Variants in PTGER3 observed in about 807,000 individuals in gnomAD.
PTGER3 encodes prostaglandin E2 receptor EP3 subtype.
Under a neutral mutation model 34.7 loss-of-function variants are expected in PTGER3, and 22 were observed. The ratio of observed to expected loss-of-function variants is 0.63; its 90% CI spans 0.45 to 0.91. PTGER3 has a LOEUF of 0.91. Ranked by LOEUF, PTGER3 falls within the 40% of genes least tolerant of loss-of-function variation. PTGER3 has a pLI of 0.00. For missense variants in PTGER3, 468 were observed against 519.4 expected, an observed-to-expected ratio of 0.90 and a Z score of 0.96; for synonymous variants, 241 against 230.1, an observed-to-expected ratio of 1.05 and a Z score of -0.43.
intron 4 of PTGER3, among the ~76,000 whole-genome samples, chr1:70,877,668 T>C (rs1252579439): frequency 6.6e-6 from 1 of 152,198 alleles, no homozygotes; most frequent in Non-Finnish European, 1.5e-5. Context: ...GAAGGGATGC[T>C]GACTTTTATT....
intron 2 of PTGER3, chr1:71,009,239 C>T: frequency 1.0e-6 from 1 of 985,214 alleles, no homozygotes. Flanking sequence ...TGCCAATGTG[C>T]TCACAGGATC....
At chr1:71,040,906 G>A (rs1472892848) in intron 1 of PTGER3, among the ~76,000 whole-genome samples, 1 of 152,170 alleles carries the variant, frequency 6.6e-6, no homozygotes, top group African/African-American at 2.4e-5. Context: ...ATCCAAGAGA[G>A]GTGGGTGCTT....
intron 2 of PTGER3, among the ~76,000 whole-genome samples, chr1:70,953,976 TG>T (rs1651043900): frequency 6.6e-6 from 1 of 152,046 alleles, no homozygotes; most frequent in Non-Finnish European, 1.5e-5. Context: ...ACTACAGAAA[TG>T]GGGAACACTG....
intron 2 of PTGER3, among the ~76,000 whole-genome samples, chr1:71,003,288 G>A (rs189035162): frequency 6.6e-6 from 1 of 152,292 alleles, no homozygotes; most frequent in African/African-American, 2.4e-5. Flanking sequence ...CAAATTTAGT[G>A]CCTATAGAAG....
At chr1:70,997,465 G>A (rs1378951893) in intron 2 of PTGER3, among the ~76,000 whole-genome samples, 2 of 152,074 alleles carry the variant, frequency 1.3e-5, no homozygotes, top group Non-Finnish European at 2.9e-5. Flanking sequence ...TAGATAATAA[G>A]CAGAGTTTGA....
At chr1:70,852,639 G>A in exon 5 of PTGER3, 2 of 663,328 alleles carry the variant, frequency 3.0e-6, no homozygotes, top group Non-Finnish European at 5.4e-6. Context: ...ATTGATGTAT[G>A]TAGATATAGT....
At chr1:71,034,652 C>T (rs1659674483) in intron 1 of PTGER3, among the ~76,000 whole-genome samples, 1 of 152,168 alleles carries the variant, frequency 6.6e-6, no homozygotes, top group South Asian at 2.1e-4. Flanking sequence ...CTAGTATTAG[C>T]ACCGAAGGGT....
At chr1:70,963,049 ATG>A (rs1557690693) in intron 2 of PTGER3, among the ~76,000 whole-genome samples, 9 of 151,962 alleles carry the variant, frequency 5.9e-5, no homozygotes, top group Non-Finnish European at 1.0e-4. Flanking sequence ...AATGAAGGGG[ATG>A]CAGGCCCCAC....
chr1:70,905,317 G>C (rs1311618096), intron 4 of PTGER3, among the ~76,000 whole-genome samples: 1 of 152,066 alleles, frequency 6.6e-6, no homozygotes, highest in Non-Finnish European at 1.5e-5. Context: ...CTGGGACACT[G>C]CCTAGTGGAG....
chr1:70,928,017 C>G (rs373355438), intron 4 of PTGER3, among the ~76,000 whole-genome samples: 1 of 151,568 alleles, frequency 6.6e-6, no homozygotes, highest in Non-Finnish European at 1.5e-5. Context: ...TACTGAGCAA[C>G]GTTTATCTAC....
intron 4 of PTGER3, among the ~76,000 whole-genome samples, chr1:70,864,986 C>T (rs1292651720): frequency 6.6e-6 from 1 of 152,034 alleles, no homozygotes; most frequent in East Asian, 1.9e-4. Context: ...AGAAAGTGGC[C>T]ATCTATCCAG....
intron 4 of PTGER3, among the ~76,000 whole-genome samples, chr1:70,919,424 G>C (rs1019865719): frequency 6.6e-6 from 1 of 152,106 alleles, no homozygotes; most frequent in Non-Finnish European, 1.5e-5. Context: ...GAGGAGCTGA[G>C]AAATCTGGGA....
intron 3 of PTGER3, chr1:70,953,622 G>A (rs1650999018): frequency 8.1e-7 from 1 of 1,237,636 alleles, no homozygotes; most frequent in Non-Finnish European, 1.1e-6. Context: ...TTTGTGACTG[G>A]GATAGGTTCC....
intron 4 of PTGER3, among the ~76,000 whole-genome samples, chr1:70,874,537 A>G (rs1646233133): frequency 6.6e-6 from 1 of 151,984 alleles, no homozygotes; most frequent in Non-Finnish European, 1.5e-5. Context: ...TGTTCTAAAT[A>G]TTACTTCTTT....
At position 70,880,687 on chromosome 1, in the gene PTGER3, CA is replaced by C. The variant is rs745606907; in HGVS notation, c.*24-27829del. ...CCTGAGTGAAAGAGCAAGACTCTGT[CA>C]AAAAAAAAAGAAAAAAAAAAAAAAG... On this transcript the variant is annotated intron_variant, in intron 4 of 4. Transcript: ENST00000370931. Among the ~76,000 whole-genome samples, 84 of 102,990 alleles carry C rather than the reference CA, an allele frequency of 8.2e-4. No individual in the cohort carries two copies. The South Asian group carries it at 0.019, about 24-fold the overall frequency. The allele number at this position is 102,990 out of a possible 152,430, so 67.6% of individuals were successfully genotyped here.
At chr1:70,954,332 A>G (rs1651091492) in intron 2 of PTGER3, among the ~76,000 whole-genome samples, 1 of 152,154 alleles carries the variant, frequency 6.6e-6, no homozygotes, top group Non-Finnish European at 1.5e-5. Context: ...TCTTTATAAA[A>G]GACTTTTATG....
chr1:70,931,048 G>T (rs951496657), intron 4 of PTGER3, among the ~76,000 whole-genome samples: 1 of 152,158 alleles, frequency 6.6e-6, no homozygotes, highest in Non-Finnish European at 1.5e-5. Flanking sequence ...AGATACAATG[G>T]GGATATAGGT....
At chr1:71,011,027 C>G in intron 2 of PTGER3, 1 of 985,540 alleles carries the variant, frequency 1.0e-6, no homozygotes, top group African/African-American at 1.7e-5. Flanking sequence ...ATGAATGCAC[C>G]AAAGAATATG....
At chr1:70,925,870 T>C (rs996987117) in intron 4 of PTGER3, among the ~76,000 whole-genome samples, 17 of 152,106 alleles carry the variant, frequency 1.1e-4, no homozygotes, top group Non-Finnish European at 2.2e-4. Context: ...TATTGAACTT[T>C]ATAAAATATA....
Sources: gnomAD v4.1 joint callset for allele counts (sites outside exome capture counted in the v4.1 genomes callset) on GRCh38, gnomAD v4.1.1 for gene constraint, MANE v1.5 for transcripts, NCBI Gene and HGNC (gene_info 2026-07-23, HGNC 2026-07-21) for gene names.